The following DOK5 variants were observed in gnomAD, a reference collection of about 807,000 sequenced individuals.
DOK5 encodes the protein docking protein 5.
Under a neutral mutation model 43.3 loss-of-function variants are expected in DOK5, and 27 were observed. The observed-to-expected ratio is 0.62, with a 90% CI of 0.46 to 0.86. DOK5 has a LOEUF of 0.86. Among genes scored for constraint, DOK5 ranks in the 40% least tolerant of loss-of-function variants. DOK5 has a pLI of 0.00. For missense variants in DOK5, 373 were observed against 392.9 expected, an observed-to-expected ratio of 0.95 and a Z score of 0.43; for synonymous variants, 146 against 140.1, an observed-to-expected ratio of 1.04 and a Z score of -0.30.
intron 1 of DOK5, among the ~76,000 whole-genome samples, chr20:54,485,511 G>A (rs1014279851): frequency 6.6e-6 from 1 of 152,190 alleles, no homozygotes; most frequent in Non-Finnish European, 1.5e-5. Flanking sequence ...GTACCATGGT[G>A]TGTATGTACA....
At chr20:54,504,245 G>A (rs147593611) in intron 1 of DOK5, among the ~76,000 whole-genome samples, 34 of 152,160 alleles carry the variant, frequency 2.2e-4, no homozygotes, top group Non-Finnish European at 4.1e-4. Flanking sequence ...TCTAGATCTC[G>A]CGGTCCACCC....
chr20:54,567,469 C>T (rs1985135870), intron 2 of DOK5, among the ~76,000 whole-genome samples: 1 of 151,172 alleles, frequency 6.6e-6, no homozygotes, highest in African/African-American at 2.4e-5. Context: ...ATTTTTTTAC[C>T]TTTGTCAAAA....
intron 1 of DOK5, among the ~76,000 whole-genome samples, chr20:54,521,109 G>A (rs1052206483): frequency 5.3e-5 from 8 of 151,822 alleles, no homozygotes; most frequent in African/African-American, 1.9e-4. Context: ...AGCAACCTTC[G>A]AGGCAGCACC....
intron 2 of DOK5, among the ~76,000 whole-genome samples, chr20:54,576,152 G>T (rs532708227): frequency 6.6e-5 from 10 of 152,166 alleles, no homozygotes; most frequent in South Asian, 2.1e-4. Context: ...AGTTTAAATT[G>T]ATTTAACATC....
intron 1 of DOK5, among the ~76,000 whole-genome samples, chr20:54,532,967 T>C (rs1279772273): frequency 3.3e-5 from 5 of 152,286 alleles, no homozygotes; most frequent in Non-Finnish European, 7.3e-5. Context: ...CATTTGCCAC[T>C]CTAATTTGTC....
intron 6 of DOK5, among the ~76,000 whole-genome samples, chr20:54,634,439 T>A (rs1978724652): frequency 9.8e-6 from 1 of 102,362 alleles, no homozygotes. Context: ...ATATCATGCT[T>A]TTTTTTTTTT....
chr20:54,552,136 T>C (rs1400851776), intron 1 of DOK5, among the ~76,000 whole-genome samples: 2 of 152,216 alleles, frequency 1.3e-5, no homozygotes, highest in African/African-American at 4.8e-5. Context: ...CCATACAGTA[T>C]TAACTTTTAT....
chr20:54,594,012 G>A (rs1325193291), intron 5 of DOK5, among the ~76,000 whole-genome samples: 2 of 152,124 alleles, frequency 1.3e-5, no homozygotes, highest in East Asian at 3.9e-4. Flanking sequence ...GGATGGGGAA[G>A]GGAGAGGATC....
chr20:54,536,485 T>C (rs1286622196), intron 1 of DOK5, among the ~76,000 whole-genome samples: 1 of 152,114 alleles, frequency 6.6e-6, no homozygotes, highest in African/African-American at 2.4e-5. Flanking sequence ...AGCTGGGACA[T>C]TGCATGTAAA....
Position 54,535,527 on chromosome 20 carries a change from AT to A in DOK5, c.67-19395del, listed in dbSNP as rs11481797. Reference sequence around the variant, plus strand: ...TTTAATGCAAAATCCCTAATTTGGGATTTTTTTTTTTGCCACAGTAGAGTGA... The same window carrying A: ...TTTAATGCAAAATCCCTAATTTGGGATTTTTTTTTTGCCACAGTAGAGTGA... On this transcript the variant is annotated intron_variant, in intron 1 of 7. Coordinates refer to ENST00000262593, the MANE Select transcript of DOK5 (RefSeq NM_018431.5). Among the ~76,000 whole-genome samples the A allele has an allele frequency of 9.9e-4, 146 of 147,236 alleles. 1 individual carries two copies. Among genetic ancestry groups the A allele is most frequent in the African/African-American group, 2.1e-3 (84 of 40,500 alleles).
chr20:54,546,045 T>C (rs1984331694), intron 1 of DOK5, among the ~76,000 whole-genome samples: 1 of 152,148 alleles, frequency 6.6e-6, no homozygotes, highest in African/African-American at 2.4e-5. Context: ...GGAGTAGTGG[T>C]TAAGAGCTTA....
At chr20:54,546,436 A>G (rs977694511) in intron 1 of DOK5, among the ~76,000 whole-genome samples, 3 of 152,162 alleles carry the variant, frequency 2.0e-5, no homozygotes, top group Non-Finnish European at 4.4e-5. Context: ...ACTAGGGTAC[A>G]TGTGCACAAC....
At chr20:54,544,112 A>G (rs1600691917) in intron 1 of DOK5, among the ~76,000 whole-genome samples, 1 of 152,130 alleles carries the variant, frequency 6.6e-6, no homozygotes, top group East Asian at 1.9e-4. Flanking sequence ...CTTTATACAT[A>G]TTTTACTTCA....
At chr20:54,506,336 C>T (rs1455509325) in intron 1 of DOK5, among the ~76,000 whole-genome samples, 3 of 152,052 alleles carry the variant, frequency 2.0e-5, no homozygotes, top group East Asian at 3.8e-4. Flanking sequence ...CCTTAGACAT[C>T]GGGGTGGGAT....
chr20:54,528,601 C>T (rs926404766), intron 1 of DOK5, among the ~76,000 whole-genome samples: 13 of 152,196 alleles, frequency 8.5e-5, no homozygotes, highest in Non-Finnish European at 1.5e-4. Flanking sequence ...CACAAAACTT[C>T]TTATATCTCC....
intron 2 of DOK5, among the ~76,000 whole-genome samples, chr20:54,575,156 C>T (rs971028634): frequency 6.6e-6 from 1 of 152,172 alleles, no homozygotes; most frequent in African/African-American, 2.4e-5. Context: ...ACGGAACATT[C>T]TGCAAGAAAA....
At chr20:54,530,881 T>A (rs1282119014) in intron 1 of DOK5, among the ~76,000 whole-genome samples, 1 of 152,034 alleles carries the variant, frequency 6.6e-6, no homozygotes, top group Non-Finnish European at 1.5e-5. Flanking sequence ...CATAAGAATA[T>A]AAGAATAAAG....
chr20:54,479,712 C>T (rs1408634024), intron 1 of DOK5, among the ~76,000 whole-genome samples: 1 of 152,158 alleles, frequency 6.6e-6, no homozygotes, highest in African/African-American at 2.4e-5. Context: ...CAGCTTGGAC[C>T]TCTTTTCTGA....
chr20:54,506,705 C>T (rs1292195695), intron 1 of DOK5, among the ~76,000 whole-genome samples: 1 of 152,200 alleles, frequency 6.6e-6, no homozygotes, highest in Non-Finnish European at 1.5e-5. Context: ...AAGTGATCCT[C>T]CCTCCTTGGC....
Sources: gnomAD v4.1 joint callset for allele counts (sites outside exome capture counted in the v4.1 genomes callset) on GRCh38, gnomAD v4.1.1 for gene constraint, MANE v1.5 for transcripts, NCBI Gene and HGNC (gene_info 2026-07-23, HGNC 2026-07-21) for gene names.